The following TENT2 variants were observed in gnomAD, a reference collection of about 807,000 sequenced individuals.
TENT2 encodes the protein terminal nucleotidyltransferase 2, also known as poly(A) RNA polymerase GLD2.
Under a neutral mutation model 72.2 loss-of-function variants are expected in TENT2, and 44 were observed. The ratio of observed to expected loss-of-function variants is 0.61; its 90% CI spans 0.48 to 0.78. The LOEUF is 0.78. Among genes scored for constraint, TENT2 ranks in the 30% least tolerant of loss-of-function variants. TENT2 has a pLI of 0.00. For missense variants in TENT2, 541 were observed against 569.6 expected (o/e 0.95, Z 0.51); for synonymous variants, 212 against 192.5 (o/e 1.10, Z -0.84).
intron 3 of TENT2, 86 bp from the exon 4 acceptor site, chr5:79,623,166 T>G (rs770453254): frequency 3.1e-5 from 28 of 893,574 alleles, no homozygotes; most frequent in Non-Finnish European, 4.1e-5. Flanking sequence ...CATTATCTCT[T>G]ATGATATTTA....
chr5:79,638,514 T>C (rs984260589), intron 4 of TENT2, among the ~76,000 whole-genome samples: 1 of 152,204 alleles, frequency 6.6e-6, no homozygotes, highest in African/African-American at 2.4e-5. Flanking sequence ...TGTGGTCCCC[T>C]TGCATTTACC....
At chr5:79,648,263 G>A (rs1169305842) in intron 8 of TENT2, among the ~76,000 whole-genome samples, 3 of 151,788 alleles carry the variant, frequency 2.0e-5, no homozygotes, top group African/African-American at 4.8e-5. Flanking sequence ...AGCTATGACT[G>A]TGCTACTGCA....
intron 14 of TENT2, among the ~76,000 whole-genome samples, chr5:79,683,616 T>C (rs894285085): frequency 1.7e-4 from 26 of 152,160 alleles, no homozygotes; most frequent in African/African-American, 5.3e-4. Context: ...ATTTGTCTTA[T>C]AGAAATTCTT....
Position 79,668,875 on chromosome 5 carries a change from C to T in TENT2, c.1072-17C>T. 6.3e-7 allele frequency: 1 copy of T among 1,592,044 alleles called. No homozygotes were observed. Among genetic ancestry groups the T allele is most frequent in the Non-Finnish European group, 8.5e-7 (1 of 1,170,070 alleles). ...TTTAAATGGCTTTACATTTTTTCCC[C>T]TTCTTCTTTTTGACAGGAGTCTTTT... On this transcript the variant is annotated splice_polypyrimidine_tract_variant and intron_variant, in intron 11 of 14. Coordinates refer to ENST00000453514, the MANE Select transcript of TENT2 (RefSeq NM_001114394.3).
At chr5:79,629,696 G>T in intron 4 of TENT2, among the ~76,000 whole-genome samples, 1 of 152,070 alleles carries the variant, frequency 6.6e-6, no homozygotes, top group African/African-American at 2.4e-5. Context: ...GCGTGGTGGC[G>T]GGTGCCTGTA....
At chr5:79,676,349 G>T (rs1050429150) in intron 12 of TENT2, among the ~76,000 whole-genome samples, 10 of 152,082 alleles carry the variant, frequency 6.6e-5, no homozygotes, top group African/African-American at 2.4e-4. Flanking sequence ...ACCTTGGGAG[G>T]CTGAGGTGGG....
intron 1 of TENT2, among the ~76,000 whole-genome samples, chr5:79,613,354 G>T (rs1756698119): frequency 6.6e-6 from 1 of 152,152 alleles, no homozygotes; most frequent in Non-Finnish European, 1.5e-5. Flanking sequence ...TTTCATTAGG[G>T]TGAACAGAGA....
chr5:79,623,125 TAA>T, intron 3 of TENT2, 125 bp from the exon 4 acceptor site: 1 of 648,102 alleles, frequency 1.5e-6, no homozygotes, highest in Non-Finnish European at 2.5e-6. Context: ...ATAAAGCTAA[TAA>T]AGTGACCTTA....
intron 7 of TENT2, chr5:79,644,863 C>G: frequency 3.3e-6 from 1 of 301,742 alleles, no homozygotes; most frequent in Non-Finnish European, 6.1e-6. Context: ...TTCACTCTTA[C>G]AGTGGTCTAA....
chr5:79,634,480 G>A (rs1030179351), intron 4 of TENT2, among the ~76,000 whole-genome samples: 1 of 151,968 alleles, frequency 6.6e-6, no homozygotes, highest in Non-Finnish European at 1.5e-5. Flanking sequence ...TGGACTACAG[G>A]CACCTGTCAC....
At chr5:79,629,212 G>A (rs929387599) in intron 4 of TENT2, among the ~76,000 whole-genome samples, 3 of 152,128 alleles carry the variant, frequency 2.0e-5, no homozygotes, top group Non-Finnish European at 2.9e-5. Flanking sequence ...TACAAATCAC[G>A]TACAAACCCA....
chr5:79,659,560 ATATATATAT>A, intron 11 of TENT2, among the ~76,000 whole-genome samples: 1 of 52,682 alleles, frequency 1.9e-5, no homozygotes, highest in South Asian at 6.1e-4. Context: ...AAAAATGTAT[ATATATATAT>A]ATATATATAT....
At position 79,683,923 on chromosome 5, in the gene TENT2, C is replaced by CAAAAAAAAA. The variant is rs761567083; in HGVS notation, c.1381-1255_1381-1247dup. Reference sequence around the variant, plus strand: ...TGGGCGACAGAGCGAGACTCCGTCTCAAAAAAAAAAAAAAAAAAAAAAAAA... The same window carrying CAAAAAAAAA: ...TGGGCGACAGAGCGAGACTCCGTCTCAAAAAAAAAAAAAAAAAAAAAAAAAAAAAAAAAA... On this transcript the variant is annotated intron_variant, in intron 14 of 14. Coordinates refer to ENST00000453514, the MANE Select transcript of TENT2 (RefSeq NM_001114394.3). Among the ~76,000 whole-genome samples, 12 of 41,560 alleles carry CAAAAAAAAA rather than the reference C, an allele frequency of 2.9e-4. 1 individual carries two copies. The highest frequency in any genetic ancestry group is 5.5e-4 in the African/African-American group (8 of 14,676). The allele number at this position is 41,560 out of a possible 152,430, so 27.3% of individuals were successfully genotyped here. A position where few individuals can be genotyped will look rare whatever the true frequency, so the allele number is the denominator to read the frequency against.
chr5:79,613,135 A>C (rs895756294), intron 1 of TENT2, 60 bp downstream of exon 1: 1 of 152,224 alleles, frequency 6.6e-6, no homozygotes, highest in African/African-American at 2.4e-5. Flanking sequence ...CCTTAATTAA[A>C]TGGCATGAAA....
chr5:79,686,950 CATT>C lies in TENT2; in HGVS notation c.*1680_*1682del, dbSNP rs1826233652. Among the ~76,000 whole-genome samples, 2 of 152,108 alleles carry C rather than the reference CATT, an allele frequency of 1.3e-5. No homozygotes were observed. Among genetic ancestry groups the C allele is most frequent in the Admixed American group, 6.5e-5 (1 of 15,272 alleles). Reference sequence around the variant, plus strand: ...AATATTCTAGTGATGACTGGGTAATCATTATAAGCATTAGTCATAGTACTATTC... The same window carrying C: ...AATATTCTAGTGATGACTGGGTAATCATAAGCATTAGTCATAGTACTATTC... On this transcript the variant is annotated 3_prime_UTR_variant, in exon 15 of 15. Transcript: ENST00000453514.
At chr5:79,630,826 T>C (rs1316946742) in intron 4 of TENT2, among the ~76,000 whole-genome samples, 2 of 151,578 alleles carry the variant, frequency 1.3e-5, no homozygotes, top group East Asian at 3.9e-4. Flanking sequence ...GGTTTTTTTT[T>C]TTTTTTTAAT....
At chr5:79,679,557 G>T (rs769161785) in intron 12 of TENT2, 22 bp from the exon 13 acceptor site, 190 of 1,508,222 alleles carry the variant, frequency 1.3e-4, no homozygotes, top group Non-Finnish European at 1.6e-4. Flanking sequence ...AGTTAACATG[G>T]TTACTGTTTT....
chr5:79,637,161 G>T (rs768004303), intron 4 of TENT2, among the ~76,000 whole-genome samples: 2 of 151,990 alleles, frequency 1.3e-5, no homozygotes, highest in Non-Finnish European at 2.9e-5. Flanking sequence ...TTGACAGGAG[G>T]TCAAGACAGC....
chr5:79,646,966 G>A (rs111707923), intron 8 of TENT2, among the ~76,000 whole-genome samples: 7 of 151,776 alleles, frequency 4.6e-5, no homozygotes, highest in African/African-American at 7.2e-5. Context: ...ACAGGGTCTC[G>A]CCATGTTGCC....
Sources: gnomAD v4.1 joint callset for allele counts (sites outside exome capture counted in the v4.1 genomes callset) on GRCh38, gnomAD v4.1.1 for gene constraint, MANE v1.5 for transcripts, NCBI Gene and HGNC (gene_info 2026-07-23, HGNC 2026-07-21) for gene names.